IGF2BP3: variants seen among roughly 807,000 people sequenced by gnomAD.
The protein encoded by IGF2BP3 is insulin like growth factor 2 mRNA binding protein 3, also known as insulin-like growth factor 2 mRNA-binding protein 3.
A neutral mutation model predicts 73.8 loss-of-function variants in IGF2BP3; 9 were observed. The observed-to-expected ratio is 0.12, with a 90% CI of 0.07 to 0.21. The LOEUF is 0.21. Ranked by LOEUF, IGF2BP3 falls within the 10% of genes least tolerant of loss-of-function variation. The pLI is 1.00. For missense variants in IGF2BP3, 542 were observed against 714.0 expected (o/e 0.76, Z 2.75); for synonymous variants, 258 against 256.7 (o/e 1.01, Z -0.05).
intron 3 of IGF2BP3, among the ~76,000 whole-genome samples, chr7:23,417,608 T>C (rs1299472212): frequency 1.3e-5 from 2 of 152,160 alleles, no homozygotes; most frequent in Non-Finnish European, 2.9e-5. Flanking sequence ...AGCTACATCA[T>C]ACCAGATGTA....
intron 3 of IGF2BP3, among the ~76,000 whole-genome samples, chr7:23,390,234 T>C (rs980617852): frequency 1.3e-5 from 2 of 152,218 alleles, no homozygotes; most frequent in African/African-American, 4.8e-5. Context: ...TCAATTTGTG[T>C]GTATACCTGC....
At chr7:23,387,872 T>C (rs1021342991) in intron 3 of IGF2BP3, among the ~76,000 whole-genome samples, 1 of 152,226 alleles carries the variant, frequency 6.6e-6, no homozygotes, top group African/African-American at 2.4e-5. Flanking sequence ...CACCAAGTGT[T>C]GTCAAGGACT....
At position 23,324,257 on chromosome 7, in the gene IGF2BP3, G is replaced by A. The variant is rs1236016590; in HGVS notation, c.1204-5003C>T. Among the ~76,000 whole-genome samples the A allele has an allele frequency of 3.7e-3, 551 of 150,882 alleles. 3 individuals carry two copies. Among genetic ancestry groups the A allele is most frequent in the African/African-American group, 0.013 (537 of 41,248 alleles). ...AGGGGATATCACCACCGATCCCACA[G>A]AAATACAAACTACCATCAGAGAATA... On this transcript the variant is annotated intron_variant, in intron 10 of 14. Transcript: ENST00000258729.
chr7:23,322,397 G>A (rs1378809585), intron 10 of IGF2BP3, among the ~76,000 whole-genome samples: 1 of 152,138 alleles, frequency 6.6e-6, no homozygotes, highest in African/African-American at 2.4e-5. Context: ...AACGAGCAAA[G>A]CCTCCAAGAA....
intron 2 of IGF2BP3, among the ~76,000 whole-genome samples, chr7:23,463,313 T>C (rs1160038029): frequency 2.0e-5 from 3 of 152,214 alleles, no homozygotes; most frequent in Admixed American, 6.5e-5. Context: ...ATCCCAATCC[T>C]ATAACCACAC....
chr7:23,444,688 G>A (rs1013376343), intron 2 of IGF2BP3, among the ~76,000 whole-genome samples: 22 of 150,102 alleles, frequency 1.5e-4, no homozygotes, highest in Non-Finnish European at 3.0e-4. Context: ...GGGTGCAGTG[G>A]GCTCAGATTG....
intron 5 of IGF2BP3, among the ~76,000 whole-genome samples, chr7:23,357,369 G>A (rs533873741): frequency 1.5e-4 from 23 of 151,950 alleles, no homozygotes; most frequent in African/African-American, 5.3e-4. Flanking sequence ...CACCTCCCAG[G>A]TTCAAGCAAT....
At chr7:23,442,918 CAGG>C (rs1309261921) in intron 2 of IGF2BP3, among the ~76,000 whole-genome samples, 1 of 151,730 alleles carries the variant, frequency 6.6e-6, no homozygotes. Flanking sequence ...ACCATAAAAC[CAGG>C]TAACTAGAAT....
rs749219627 is a variant in IGF2BP3 at position 23,470,078 on chromosome 7, C to G, written c.33G>C (p.Glu11Asp). 1 of 1,609,468 alleles carries G rather than the reference C, an allele frequency of 6.2e-7. No homozygotes were observed. The highest frequency in any genetic ancestry group is 2.2e-5 in the East Asian group (1 of 44,688). ...TTTCTAGGTCCGAGGGGGCGGCGTT[C>G]TCGCTGAGGTTTCCGATATACAGTT... Reference protein sequence around the residue: MNKLYIGNLSENAAPSDLESI... With the variant: MNKLYIGNLSDNAAPSDLESI... Residue 11 changes from glutamate (E) to aspartate (D), a missense_variant, in exon 1 of 15, where the codon GAG (glutamate) becomes GAC (aspartate). This residue lies in a region of IGF2BP3 where 239 missense variants were observed against 241.9 expected (regional missense o/e 0.99). Coordinates refer to ENST00000258729, the MANE Select transcript of IGF2BP3 (RefSeq NM_006547.3).
chr7:23,434,105 A>AG (rs983485972), intron 2 of IGF2BP3, among the ~76,000 whole-genome samples: 5 of 151,798 alleles, frequency 3.3e-5, no homozygotes, highest in African/African-American at 4.8e-5. Flanking sequence ...AAAAAAAAAA[A>AG]AAAGAAAAAG....
chr7:23,315,778 T>G (rs987331152), intron 12 of IGF2BP3, among the ~76,000 whole-genome samples: 5 of 152,162 alleles, frequency 3.3e-5, no homozygotes, highest in African/African-American at 1.2e-4. Flanking sequence ...TAAGGAAAAA[T>G]ACGGGGTAGG....
intron 2 of IGF2BP3, among the ~76,000 whole-genome samples, chr7:23,460,605 G>A (rs4265095): frequency 0.35 from 53,607 of 151,746 alleles, 9,901 homozygotes; most frequent in Middle Eastern, 0.42. Context: ...AGGATCTACT[G>A]AGGAGATTCT....
chr7:23,381,016 T>C (rs1785893251), intron 3 of IGF2BP3, among the ~76,000 whole-genome samples: 1 of 152,242 alleles, frequency 6.6e-6, no homozygotes, highest in Non-Finnish European at 1.5e-5. Context: ...GGCTTGTTTT[T>C]ACTGTGGAAG....
intron 2 of IGF2BP3, among the ~76,000 whole-genome samples, chr7:23,421,262 G>A (rs367721727): frequency 1.3e-5 from 2 of 151,946 alleles, no homozygotes; most frequent in Non-Finnish European, 2.9e-5. Context: ...CGCCTGCCTC[G>A]GCCTCCCAGA....
At position 23,310,486 on chromosome 7, in the gene IGF2BP3, A is replaced by G. The variant is rs1285277269; in HGVS notation, c.*1876T>C. 6.6e-6 allele frequency: 1 copy of G among 152,216 alleles called. No homozygotes were observed. The highest frequency in any genetic ancestry group is 2.4e-5 in the African/African-American group (1 of 41,456). 9.4% of individuals were successfully genotyped at this position (152,216 alleles called of 1,614,324 possible). The stretch of plus-strand genomic sequence containing the variant: ...TATGTGTATATTTTTAAAAAATCAA[A>G]TATTGGGGAAAAAAATCAAATACTG... On this transcript the variant is annotated 3_prime_UTR_variant, in exon 15 of 15. Transcript: ENST00000258729.
chr7:23,336,702 C>T (rs1784582460), intron 10 of IGF2BP3, among the ~76,000 whole-genome samples: 2 of 152,128 alleles, frequency 1.3e-5, no homozygotes, highest in South Asian at 4.1e-4. Context: ...AATCCCAGCA[C>T]TTTGGGAGGC....
chr7:23,364,546 T>TTAAA (rs1562702077), intron 3 of IGF2BP3, among the ~76,000 whole-genome samples: 1 of 31,586 alleles, frequency 3.2e-5, no homozygotes, highest in Non-Finnish European at 4.9e-5. Context: ...AGACTTTGTG[T>TTAAA]CAAAAAAAAA....
chr7:23,347,266 A>T (rs545535685), intron 7 of IGF2BP3, among the ~76,000 whole-genome samples: 19 of 152,082 alleles, frequency 1.2e-4, no homozygotes, highest in Non-Finnish European at 2.6e-4. Flanking sequence ...CAGAGCTCCA[A>T]TGAGCTCCGA....
At chr7:23,335,164 A>G (rs563794200) in intron 10 of IGF2BP3, among the ~76,000 whole-genome samples, 1 of 151,206 alleles carries the variant, frequency 6.6e-6, no homozygotes, top group Admixed American at 6.6e-5. Context: ...GTGCACAGTG[A>G]GTTACTTACT....
Sources: allele counts gnomAD v4.1 joint callset (sites outside exome capture counted in the v4.1 genomes callset), GRCh38; gene constraint gnomAD v4.1.1; regional missense constraint gnomAD v4.1.1; transcripts MANE v1.5; gene names NCBI Gene and HGNC (gene_info 2026-07-23, HGNC 2026-07-21).